The following PARD3B variants were observed in gnomAD, a reference collection of about 807,000 sequenced individuals.
PARD3B encodes the protein partitioning defective 3 homolog B.
A neutral mutation model predicts 130.2 loss-of-function variants in PARD3B; 103 were observed. That is an observed-to-expected ratio of 0.79 (90% confidence interval 0.67 to 0.93). PARD3B has a LOEUF of 0.93. PARD3B is among the 40% of genes least tolerant of loss of function. PARD3B has a pLI of 0.00. For synonymous variants in PARD3B, 583 were observed against 553.2 expected (o/e 1.05, Z -0.76); for missense variants, 1,609 against 1,499.2 (o/e 1.07, Z -1.21).
At chr2:204,712,518 G>T (rs1270711901) in intron 2 of PARD3B, among the ~76,000 whole-genome samples, 1 of 150,916 alleles carries the variant, frequency 6.6e-6, no homozygotes. Context: ...GGTAGCTGAG[G>T]CAGGAGAATA....
At chr2:205,189,946 A>G (rs529484354) in intron 14 of PARD3B, among the ~76,000 whole-genome samples, 1 of 152,360 alleles carries the variant, frequency 6.6e-6, no homozygotes, top group South Asian at 2.1e-4. Flanking sequence ...ATGTGTATGT[A>G]TATAGATAGA....
intron 3 of PARD3B, among the ~76,000 whole-genome samples, chr2:205,001,749 G>A (rs1694847816): frequency 6.6e-6 from 1 of 152,180 alleles, no homozygotes; most frequent in Non-Finnish European, 1.5e-5. Flanking sequence ...CTCCTTGTAG[G>A]GCAAACACCA....
Position 205,276,237 on chromosome 2 carries a change from C to A in PARD3B, c.2186-24293C>A, listed in dbSNP as rs1402535960. 6.6e-6 allele frequency among the ~76,000 whole-genome samples: 1 copy of A among 152,056 alleles called. No individual in the cohort carries two copies. The highest frequency in any genetic ancestry group is 1.5e-5 in the Non-Finnish European group (1 of 68,026). On this transcript the variant is annotated intron_variant, in intron 16 of 22. Transcript: ENST00000406610. The surrounding 1 kb of genome is among the most constrained non-coding windows in gnomAD (Gnocchi z 5.0). ...GGGAAGAGCATTTAGCAGTCTCATCCCTCTGCCATTCCTTCCTTTTGTAGT... is the reference window on the plus strand; with the variant it reads ...GGGAAGAGCATTTAGCAGTCTCATCACTCTGCCATTCCTTCCTTTTGTAGT...
At chr2:205,468,540 A>G (rs1380772193) in intron 20 of PARD3B, among the ~76,000 whole-genome samples, 1 of 152,242 alleles carries the variant, frequency 6.6e-6, no homozygotes, top group Non-Finnish European at 1.5e-5. Flanking sequence ...ATCTCAGTAT[A>G]GAGAATGTTA....
In PARD3B at chr2:205,325,526, T is replaced by TTATTAG. The variant is rs1553674416; in HGVS notation, c.2630+23827_2630+23828insTTAGTA. 3.0e-4 allele frequency among the ~76,000 whole-genome samples: 45 copies of TTATTAG among 150,638 alleles called. No individual in the cohort carries two copies. Among genetic ancestry groups the TTATTAG allele is most frequent in the African/African-American group, 5.4e-4 (22 of 41,010 alleles). On this transcript the variant is annotated intron_variant, in intron 18 of 22. Transcript: ENST00000406610. This position sits in a 1 kb window ranked among gnomAD's most constrained non-coding sequence, Gnocchi z 4.1. ...TTTACTAATATCATCTCATTGTTTATTAGTAGTAGTAGTAGTAGTAGTCTC... is the reference window on the plus strand; with the variant it reads ...TTTACTAATATCATCTCATTGTTTATTATTAGTAGTAGTAGTAGTAGTAGTAGTCTC...
chr2:205,452,756 G>A (rs986331141), intron 20 of PARD3B, among the ~76,000 whole-genome samples: 7 of 152,120 alleles, frequency 4.6e-5, no homozygotes, highest in African/African-American at 1.7e-4. Context: ...TAAATTGTCA[G>A]TGTCCAGGGG....
intron 15 of PARD3B, among the ~76,000 whole-genome samples, chr2:205,225,648 A>G (rs1055187506): frequency 2.6e-5 from 4 of 152,198 alleles, no homozygotes; most frequent in African/African-American, 9.6e-5. Context: ...AGTGGCCTCA[A>G]GAAACTTACA....
At chr2:205,308,755 C>T (rs973792545) in intron 18 of PARD3B, among the ~76,000 whole-genome samples, 2 of 152,206 alleles carry the variant, frequency 1.3e-5, no homozygotes, top group South Asian at 4.2e-4. Flanking sequence ...CCCATCAGCT[C>T]GAGGGAATCA....
At chr2:205,500,466 G>A (rs2050117960) in intron 21 of PARD3B, among the ~76,000 whole-genome samples, 1 of 152,102 alleles carries the variant, frequency 6.6e-6, no homozygotes, top group African/African-American at 2.4e-5. Context: ...ACATTCTGCT[G>A]ATCTTACCGG....
chr2:205,605,479 T>C (rs2054956248), intron 22 of PARD3B, among the ~76,000 whole-genome samples: 1 of 152,078 alleles, frequency 6.6e-6, no homozygotes, highest in Non-Finnish European at 1.5e-5. Context: ...GTTTTGTTGT[T>C]TTTTGTTTGT....
Position 205,332,589 on chromosome 2 carries a change from A to G in PARD3B, c.2630+30888A>G, listed in dbSNP as rs548770281. 2.6e-5 allele frequency among the ~76,000 whole-genome samples: 4 copies of G among 152,354 alleles called. No individual in the cohort carries two copies. In the South Asian group the frequency reaches 8.3e-4, roughly 32 times the overall value. On this transcript the variant is annotated intron_variant, in intron 18 of 22. Coordinates refer to ENST00000406610, the MANE Select transcript of PARD3B (RefSeq NM_001302769.2). ...TGCCATTCCCTACACTTTTCTGTTC[A>G]TCGCCACCTATCCTGAGTAGTGGCT...
At chr2:205,071,981 A>C (rs1700764728) in intron 4 of PARD3B, among the ~76,000 whole-genome samples, 4 of 129,696 alleles carry the variant, frequency 3.1e-5, no homozygotes, top group Admixed American at 2.8e-4. Flanking sequence ...TTTTCTGTGA[A>C]TTAGCTTTTT....
intron 3 of PARD3B, among the ~76,000 whole-genome samples, chr2:204,998,161 G>T (rs1325682729): frequency 2.0e-5 from 3 of 148,912 alleles, no homozygotes; most frequent in Non-Finnish European, 4.5e-5. Flanking sequence ...CACACACCAG[G>T]GCCTGTCATG....
chr2:205,225,811 AC>A (rs1196018448), intron 15 of PARD3B, among the ~76,000 whole-genome samples: 1 of 152,112 alleles, frequency 6.6e-6, no homozygotes, highest in African/African-American at 2.4e-5. Context: ...GGGGAAATCC[AC>A]CCCCATGATC....
chr2:204,901,958 A>C (rs1046475097), intron 2 of PARD3B, among the ~76,000 whole-genome samples: 4 of 151,914 alleles, frequency 2.6e-5, no homozygotes, highest in Non-Finnish European at 5.9e-5. Context: ...ACTGTGGTTG[A>C]GCTGGTATCC....
Position 205,146,026 on chromosome 2 carries a change from C to T in PARD3B, c.1435-12696C>T, listed in dbSNP as rs903436671. Among the ~76,000 whole-genome samples, 1 of 152,154 alleles carries T rather than the reference C, an allele frequency of 6.6e-6. No individual in the cohort carries two copies. Among genetic ancestry groups the T allele is most frequent in the South Asian group, 2.1e-4 (1 of 4,828 alleles). ...CCTTGGGCCAGACCTCCTGGGGAAG[C>T]GCCAGCAGCCTGTGGATTGACTGTC... On this transcript the variant is annotated intron_variant, in intron 10 of 22. Coordinates refer to ENST00000406610, the MANE Select transcript of PARD3B (RefSeq NM_001302769.2). This position sits in a 1 kb window ranked among gnomAD's most constrained non-coding sequence, Gnocchi z 4.3.
At chr2:204,650,540 A>G (rs2035441149) in intron 1 of PARD3B, among the ~76,000 whole-genome samples, 1 of 152,240 alleles carries the variant, frequency 6.6e-6, no homozygotes, top group Non-Finnish European at 1.5e-5. Flanking sequence ...AATGTGGTAC[A>G]TATACATCAT....
At chr2:204,555,480 C>T (rs2030856353) in intron 1 of PARD3B, among the ~76,000 whole-genome samples, 1 of 152,078 alleles carries the variant, frequency 6.6e-6, no homozygotes, top group African/African-American at 2.4e-5. Flanking sequence ...ATTGCATGAA[C>T]CTGGGAGGTG....
chr2:204,615,051 A>G (rs935887654), intron 1 of PARD3B, among the ~76,000 whole-genome samples: 16 of 152,138 alleles, frequency 1.1e-4, no homozygotes, highest in African/African-American at 3.6e-4. Flanking sequence ...GCAGATCTTA[A>G]TGTTTGTCTT....
Sources: gnomAD v4.1 joint callset for allele counts (sites outside exome capture counted in the v4.1 genomes callset) on GRCh38, gnomAD v4.1.1 for gene constraint, Gnocchi (gnomAD v3.1) non-coding constraint, MANE v1.5 for transcripts, NCBI Gene and HGNC (gene_info 2026-07-23, HGNC 2026-07-21) for gene names.